The following SMOX variants were observed in gnomAD, a reference collection of about 807,000 sequenced individuals.
SMOX encodes flavin containing amine oxidase.
A neutral mutation model predicts 51.0 loss-of-function variants in SMOX; 22 were observed. The ratio of observed to expected loss-of-function variants is 0.43; its 90% CI spans 0.31 to 0.62. The LOEUF (loss-of-function observed/expected upper bound fraction) is 0.62. Among genes scored for constraint, SMOX ranks in the 20% least tolerant of loss-of-function variants. The pLI is 0.10. For synonymous variants in SMOX, 282 were observed against 307.8 expected, an observed-to-expected ratio of 0.92 and a Z score of 0.88; for missense variants, 566 against 777.7, an observed-to-expected ratio of 0.73 and a Z score of 3.24.
At chr20:4,165,813 C>T (rs1986547476) in intron 1 of SMOX, among the ~76,000 whole-genome samples, 1 of 152,210 alleles carries the variant, frequency 6.6e-6, no homozygotes, top group African/African-American at 2.4e-5. Flanking sequence ...TTCATCTTCT[C>T]TAGGAACATC....
intron 1 of SMOX, among the ~76,000 whole-genome samples, chr20:4,152,024 A>G (rs887041452): frequency 1.3e-5 from 2 of 152,132 alleles, no homozygotes; most frequent in Admixed American, 1.3e-4. Context: ...CTTTCCACAA[A>G]AGCAACTGTG....
intron 3 of SMOX, among the ~76,000 whole-genome samples, chr20:4,179,449 G>A (rs755127840): frequency 6.6e-6 from 1 of 152,182 alleles, no homozygotes; most frequent in Non-Finnish European, 1.5e-5. Flanking sequence ...CTGATGTCAA[G>A]ATTTCTTTGT....
Position 4,172,891 on chromosome 20 carries a change from G to A in SMOX, c.-26-2139G>A, listed in dbSNP as rs1018820332. Among the ~76,000 whole-genome samples, 9 of 152,162 alleles carry A rather than the reference G, an allele frequency of 5.9e-5. No homozygotes were observed. Among genetic ancestry groups the A allele is most frequent in the African/African-American group, 2.2e-4 (9 of 41,428 alleles). On this transcript the variant is annotated intron_variant, in intron 1 of 6. Transcript: ENST00000305958. This position sits in a 1 kb window ranked among gnomAD's most constrained non-coding sequence, Gnocchi z 7.7. ...GCAATGGGCGGGGGAGGCACAAAGAGCAGCTTCTCAGCCTAAGCGTATTTC... is the reference window on the plus strand; with the variant it reads ...GCAATGGGCGGGGGAGGCACAAAGAACAGCTTCTCAGCCTAAGCGTATTTC...
intron 1 of SMOX, among the ~76,000 whole-genome samples, chr20:4,157,081 C>T (rs1360569423): frequency 2.0e-5 from 3 of 152,168 alleles, no homozygotes; most frequent in Non-Finnish European, 4.4e-5. Context: ...CTTATACCTC[C>T]CGGGCATTTC....
intron 1 of SMOX, among the ~76,000 whole-genome samples, chr20:4,160,385 C>T (rs1419363927): frequency 2.0e-5 from 3 of 152,092 alleles, no homozygotes; most frequent in Non-Finnish European, 4.4e-5. Context: ...CCTGCCGCAC[C>T]CCTGGGGAGG....
chr20:4,153,579 G>A lies in SMOX; in HGVS notation c.-27+4602G>A, dbSNP rs569695964. Among the ~76,000 whole-genome samples, 2 of 152,262 alleles carry A rather than the reference G, an allele frequency of 1.3e-5. No individual in the cohort carries two copies. The highest frequency in any genetic ancestry group is 4.8e-5 in the African/African-American group (2 of 41,552). On this transcript the variant is annotated intron_variant, in intron 1 of 6. Transcript: ENST00000305958. The surrounding 1 kb of genome is among the most constrained non-coding windows in gnomAD (Gnocchi z 4.4). ...ACGGTTTGCTGACCACACAGGGATG[G>A]GGTCTGTTTTCTCTGAATTCTGAGC...
Position 4,182,945 on chromosome 20 carries a change from G to A in SMOX, c.1369+97G>A, listed in dbSNP as rs1453898765. ...ATGGCAGCTCTCTCCTCCCCAGACC[G>A]TGAAGCTCGGATGCTGTGCCCCACG... On this transcript the variant is annotated intron_variant, in intron 5 of 6. Coordinates refer to ENST00000305958, the MANE Select transcript of SMOX (RefSeq NM_175839.3). This position sits in a 1 kb window ranked among gnomAD's most constrained non-coding sequence, Gnocchi z 8.4. 12 of 1,456,392 alleles carry A rather than the reference G, an allele frequency of 8.2e-6. No homozygotes were observed. In the East Asian group the frequency reaches 1.5e-4, roughly 18 times the overall value. 90.2% of individuals were successfully genotyped at this position (1,456,392 alleles called of 1,614,324 possible). A position where few individuals can be genotyped will look rare whatever the true frequency, so the allele number is the denominator to read the frequency against.
intron 3 of SMOX, among the ~76,000 whole-genome samples, chr20:4,180,947 C>T (rs1239858256): frequency 3.9e-5 from 6 of 152,170 alleles, no homozygotes; most frequent in African/African-American, 4.8e-5. Context: ...GCACAGAGCC[C>T]GGTAAATGTT....
intron 3 of SMOX, among the ~76,000 whole-genome samples, chr20:4,180,705 C>T (rs933212956): frequency 1.3e-5 from 2 of 151,878 alleles, no homozygotes; most frequent in African/African-American, 4.8e-5. Flanking sequence ...CAAACCCCTT[C>T]AGGATTCCTG....
In SMOX at chr20:4,167,883, G is replaced by C. The variant is rs1327086946; in HGVS notation, c.-26-7147G>C. On this transcript the variant is annotated intron_variant, in intron 1 of 6. Coordinates refer to ENST00000305958, the MANE Select transcript of SMOX (RefSeq NM_175839.3). This position sits in a 1 kb window ranked among gnomAD's most constrained non-coding sequence, Gnocchi z 4.8. ...CCCAGCCCCTCCCTGGTTGAGGGGT[G>C]GGAGGAGCCTCACCGCAGACACAGA... Among the ~76,000 whole-genome samples the C allele has an allele frequency of 1.3e-5, 2 of 152,118 alleles. No homozygotes were observed. The highest frequency in any genetic ancestry group is 4.8e-5 in the African/African-American group (2 of 41,416).
intron 2 of SMOX, 107 bp downstream of exon 2, chr20:4,175,370 C>T: frequency 1.6e-6 from 2 of 1,288,230 alleles, no homozygotes; most frequent in Non-Finnish European, 2.1e-6. Flanking sequence ...GATAAATGTT[C>T]CATCATGCAT....
In SMOX at chr20:4,175,039, A is replaced by C; in HGVS notation, c.-17A>C. ...CCTCCTCCCCCTGCAGGTTCCTAGAAGGTGAGCGCGGACGGTATGCAAAGT... is the reference window on the plus strand; with the variant it reads ...CCTCCTCCCCCTGCAGGTTCCTAGACGGTGAGCGCGGACGGTATGCAAAGT... On this transcript the variant is annotated 5_prime_UTR_variant, in exon 2 of 7. Coordinates refer to ENST00000305958, the MANE Select transcript of SMOX (RefSeq NM_175839.3). 1 of 1,613,382 alleles carries C rather than the reference A, an allele frequency of 6.2e-7. No individual in the cohort carries two copies. Among genetic ancestry groups the C allele is most frequent in the Middle Eastern group, 1.7e-4 (1 of 5,830 alleles).
intron 1 of SMOX, 68 bp from the exon 2 acceptor site, chr20:4,174,962 A>AGT: frequency 6.8e-7 from 1 of 1,475,198 alleles, no homozygotes; most frequent in South Asian, 1.2e-5. Context: ...GAAAGCCCTG[A>AGT]GTGTCCCTTG....
chr20:4,175,290 C>T (rs779646844), intron 2 of SMOX, 27 bp downstream of exon 2: 2 of 1,606,736 alleles, frequency 1.2e-6, no homozygotes. Context: ...CCAGCCCAGC[C>T]ACCTCCCCAG....
At chr20:4,174,112 T>C (rs1393185986) in intron 1 of SMOX, among the ~76,000 whole-genome samples, 2 of 152,234 alleles carry the variant, frequency 1.3e-5, no homozygotes, top group Admixed American at 1.3e-4. Context: ...ATAGCAGGCT[T>C]GTTGGATGCA....
intron 1 of SMOX, among the ~76,000 whole-genome samples, chr20:4,161,043 A>AAGTGGT (rs1279449882): frequency 6.6e-6 from 1 of 152,176 alleles, no homozygotes; most frequent in Non-Finnish European, 1.5e-5. Context: ...CAGTTCTTGT[A>AAGTGGT]AGTGGTTTTG....
At position 4,184,478 on chromosome 20, in the gene SMOX, C is replaced by T. The variant is rs1018089680; in HGVS notation, c.1530+824C>T. On this transcript the variant is annotated intron_variant, in intron 6 of 6. Transcript: ENST00000305958. ...AATAAAGTTTAGATTACTGATGCTC[C>T]ACAATATGCCAACTGTACACTAAAA... Among the ~76,000 whole-genome samples the T allele has an allele frequency of 2.1e-5, 3 of 145,568 alleles. No homozygotes were observed. In the Admixed American group the frequency reaches 2.1e-4, roughly 10 times the overall value.
rs752255111 is a variant in SMOX, at chr20:4,182,288, C to T, written c.809C>T (p.Ser270Leu). 1.2e-6 allele frequency: 2 copies of T among 1,608,948 alleles called. No homozygotes were observed. Among genetic ancestry groups the T allele is most frequent in the Non-Finnish European group, 1.7e-6 (2 of 1,176,550 alleles). Residue 270 changes from serine to leucine, a missense_variant, in exon 5 of 7, where the codon TCA becomes TTA. Physicochemically the swap from Ser to Leu is moderately radical, Grantham distance 145 (BLOSUM62 -2). Transcript: ENST00000305958. This position sits in a 1 kb window ranked among gnomAD's most constrained non-coding sequence, Gnocchi z 8.4. The part of the protein sequence containing the change: ...PVRCIHWDQA[S>L]ARPRGPEIEP... ...CGCTGCATTCACTGGGACCAGGCCTCAGCCCGCCCCAGAGGCCCTGAGATT... is the reference window on the plus strand; with the variant it reads ...CGCTGCATTCACTGGGACCAGGCCTTAGCCCGCCCCAGAGGCCCTGAGATT...
In SMOX at chr20:4,158,076, A is replaced by G. The variant is rs186306240; in HGVS notation, c.-27+9099A>G. 6.1e-3 allele frequency among the ~76,000 whole-genome samples: 906 copies of G among 147,858 alleles called. 17 individuals carry two copies. The highest frequency in any genetic ancestry group is 0.021 in the African/African-American group (862 of 40,132). On this transcript the variant is annotated intron_variant, in intron 1 of 6. Transcript: ENST00000305958. ...CCACCACGCCCGGCTAATTTTTTGT[A>G]TTTTTAGTAGAGATGGTGTTTCACC...
Sources: gnomAD v4.1 joint callset for allele counts (sites outside exome capture counted in the v4.1 genomes callset) on GRCh38, gnomAD v4.1.1 for gene constraint, Gnocchi (gnomAD v3.1) non-coding constraint, MANE v1.5 for transcripts, NCBI Gene and HGNC (gene_info 2026-07-23, HGNC 2026-07-21) for gene names.